Variants in ZNF710 observed in about 807,000 individuals in gnomAD.
ZNF710 encodes the protein zinc finger protein 710.
A neutral mutation model predicts 50.6 loss-of-function variants in ZNF710; 13 were observed. The ratio of observed to expected loss-of-function variants is 0.26; its 90% CI spans 0.17 to 0.41. The LOEUF (loss-of-function observed/expected upper bound fraction) is 0.41, where lower values mean the gene tolerates loss of function less well. Among genes scored for constraint, ZNF710 ranks in the 10% least tolerant of loss-of-function variants. ZNF710 has a pLI of 1.00. For synonymous variants in ZNF710, 383 were observed against 397.0 expected, an observed-to-expected ratio of 0.96 and a Z score of 0.42; for missense variants, 721 against 936.6, an observed-to-expected ratio of 0.77 and a Z score of 3.01.
At chr15:90,021,553 T>C (rs1291795451) in intron 1 of ZNF710, among the ~76,000 whole-genome samples, 1 of 152,236 alleles carries the variant, frequency 6.6e-6, no homozygotes, top group Non-Finnish European at 1.5e-5. Flanking sequence ...TGTTCTCTCT[T>C]ACTTCCTTCA....
chr15:90,063,920 G>A lies in ZNF710; in HGVS notation c.-28-3190G>A, dbSNP rs1391145749. Among the ~76,000 whole-genome samples, 4 of 152,188 alleles carry A rather than the reference G, an allele frequency of 2.6e-5. No individual in the cohort carries two copies. The East Asian group carries it at 7.7e-4, about 29-fold the overall frequency. On this transcript the variant is annotated intron_variant, in intron 1 of 4. Transcript: ENST00000268154. ...ACATCCTCATCTCACTGTCCCATGAGTCAGGAGCCTCTTCCCCCCCATAGA... is the reference window on the plus strand; with the variant it reads ...ACATCCTCATCTCACTGTCCCATGAATCAGGAGCCTCTTCCCCCCCATAGA...
Position 90,030,974 on chromosome 15 carries a change from C to G in ZNF710, c.-29+29360C>G, listed in dbSNP as rs545291736. 2.2e-4 allele frequency among the ~76,000 whole-genome samples: 32 copies of G among 143,802 alleles called. No individual in the cohort carries two copies. The East Asian group carries it at 6.1e-3, about 27-fold the overall frequency. The allele number at this position is 143,802 out of a possible 152,430, so 94.3% of individuals were successfully genotyped here. A position where few individuals can be genotyped will look rare whatever the true frequency, so the allele number is the denominator to read the frequency against. On this transcript the variant is annotated intron_variant, in intron 1 of 4. Coordinates refer to ENST00000268154, the MANE Select transcript of ZNF710 (RefSeq NM_198526.4). ...GCGGAGCTTGCAGTGAGCCGAGATC[C>G]CGCCACTGCACTCCAGCCTGGGCGA...
intron 1 of ZNF710, among the ~76,000 whole-genome samples, chr15:90,065,996 A>G (rs1163496107): frequency 6.6e-6 from 1 of 152,240 alleles, no homozygotes; most frequent in Non-Finnish European, 1.5e-5. Flanking sequence ...GGCCTCAAAC[A>G]TGTTAGCTGT....
intron 1 of ZNF710, among the ~76,000 whole-genome samples, chr15:90,050,315 C>T (rs1032696858): frequency 2.0e-5 from 3 of 152,180 alleles, no homozygotes; most frequent in Non-Finnish European, 4.4e-5. Context: ...GCCATGAGAA[C>T]GGAGAGGGCT....
intron 1 of ZNF710, among the ~76,000 whole-genome samples, chr15:90,015,398 T>G (rs147651176): frequency 6.6e-6 from 1 of 152,260 alleles, no homozygotes; most frequent in Non-Finnish European, 1.5e-5. Flanking sequence ...CAATAGTTAT[T>G]AAAATTAAAA....
At position 90,068,187 on chromosome 15, in the gene ZNF710, C is replaced by T; in HGVS notation, c.1050C>T (p.Pro350=). 1 of 1,614,060 alleles carries T rather than the reference C, an allele frequency of 6.2e-7. No homozygotes were observed. Among genetic ancestry groups the T allele is most frequent in the Non-Finnish European group, 8.5e-7 (1 of 1,180,042 alleles). The change falls in exon 2 of 5, where the codon CCC becomes CCT. Residue 350 remains proline, a synonymous_variant. Coordinates refer to ENST00000268154, the MANE Select transcript of ZNF710 (RefSeq NM_198526.4). This position sits in a 1 kb window ranked among gnomAD's most constrained non-coding sequence, Gnocchi z 5.0. ...THLLTHQGTR[P]HKCQVCHKAF... ...TGCTGACGCACCAGGGCACCCGGCCCCACAAGTGCCAGGTATGCCACAAGG... is the reference window on the plus strand; with the variant it reads ...TGCTGACGCACCAGGGCACCCGGCCTCACAAGTGCCAGGTATGCCACAAGG...
At chr15:90,064,455 C>G (rs1055830839) in intron 1 of ZNF710, among the ~76,000 whole-genome samples, 1 of 152,190 alleles carries the variant, frequency 6.6e-6, no homozygotes, top group Non-Finnish European at 1.5e-5. Flanking sequence ...TTCAGAAAAG[C>G]CTTCTCCCAG....
At chr15:90,055,331 G>C (rs1212598697) in intron 1 of ZNF710, among the ~76,000 whole-genome samples, 1 of 152,174 alleles carries the variant, frequency 6.6e-6, no homozygotes, top group Non-Finnish European at 1.5e-5. Flanking sequence ...TCCAGGTAGG[G>C]GAAAGCATGT....
At position 90,062,568 on chromosome 15, in the gene ZNF710, G is replaced by A. The variant is rs1596051102; in HGVS notation, c.-28-4542G>A. Among the ~76,000 whole-genome samples, 1 of 152,328 alleles carries A rather than the reference G, an allele frequency of 6.6e-6. No individual in the cohort carries two copies. Among genetic ancestry groups the A allele is most frequent in the African/African-American group, 2.4e-5 (1 of 41,576 alleles). ...TTGGGTTGGGTGGGGAGGCAGCCCT[G>A]GCACACAGGTGACGCACACCTGGCA... is the stretch of plus-strand genomic sequence containing the variant. On this transcript the variant is annotated intron_variant, in intron 1 of 4. Coordinates refer to ENST00000268154, the MANE Select transcript of ZNF710 (RefSeq NM_198526.4). The surrounding 1 kb of genome is among the most constrained non-coding windows in gnomAD (Gnocchi z 5.6).
chr15:90,035,367 G>A (rs1165604400), intron 1 of ZNF710, among the ~76,000 whole-genome samples: 1 of 152,216 alleles, frequency 6.6e-6, no homozygotes, highest in East Asian at 1.9e-4. Context: ...GGACCCATGA[G>A]CCCATCAGCT....
rs1433597344 is a variant in ZNF710 at position 90,040,649 on chromosome 15, T to C, written c.-28-26461T>C. Among the ~76,000 whole-genome samples, 1 of 152,056 alleles carries C rather than the reference T, an allele frequency of 6.6e-6. No homozygotes were observed. Among genetic ancestry groups the C allele is most frequent in the African/African-American group, 2.4e-5 (1 of 41,388 alleles). On this transcript the variant is annotated intron_variant, in intron 1 of 4. Transcript: ENST00000268154. The surrounding 1 kb of genome is among the most constrained non-coding windows in gnomAD (Gnocchi z 4.6). ...TCAGAGTAATATATGCATCTTTTTT[T>C]ACATCAAACAATACTGATGGGCTTC...
chr15:90,057,957 A>T (rs10162734), intron 1 of ZNF710, among the ~76,000 whole-genome samples: 18,610 of 152,062 alleles, frequency 0.12, 3,265 homozygotes, highest in African/African-American at 0.39. Context: ...CACCCCTCAT[A>T]TCCTTGGGTT....
chr15:90,017,140 G>A (rs578058628), intron 1 of ZNF710, among the ~76,000 whole-genome samples: 1 of 152,268 alleles, frequency 6.6e-6, no homozygotes, highest in South Asian at 2.1e-4. Context: ...TAGGGGTAAA[G>A]GCACTTGGTA....
intron 1 of ZNF710, among the ~76,000 whole-genome samples, chr15:90,013,729 A>G (rs146401410): frequency 6.6e-6 from 1 of 152,150 alleles, no homozygotes; most frequent in African/African-American, 2.4e-5. Flanking sequence ...CATTGTCGCT[A>G]TATTGCCAAA....
At chr15:90,010,325 T>C (rs1815289860) in intron 1 of ZNF710, among the ~76,000 whole-genome samples, 2 of 152,238 alleles carry the variant, frequency 1.3e-5, no homozygotes, top group South Asian at 4.1e-4. Context: ...GGTCTCACTC[T>C]GTCACCTCGG....
chr15:90,060,339 C>T (rs921240793), intron 1 of ZNF710, among the ~76,000 whole-genome samples: 1 of 152,000 alleles, frequency 6.6e-6, no homozygotes, highest in African/African-American at 2.4e-5. Flanking sequence ...GATCGCTTGA[C>T]CCCAGAAGTT....
chr15:90,068,367 C>T lies in ZNF710; in HGVS notation c.1230C>T (p.Val410=), dbSNP rs55983968. 0.014 allele frequency: 22,870 copies of T among 1,612,502 alleles called. 2,227 individuals are homozygous for T. In the African/African-American group the frequency reaches 0.24, roughly 17 times the overall value. ...AGAGTGGCCGCTGCCATGTCTGCGT[C>T]GAGTGCGGCCTGGACTTCTCCACCC... ...KHESGRCHVC[V]ECGLDFSTLT... is the part of the protein sequence containing the mutation. The change falls in exon 2 of 5, where the codon GTC becomes GTT. Residue 410 remains valine, a synonymous_variant. Transcript: ENST00000268154. The surrounding 1 kb of genome is among the most constrained non-coding windows in gnomAD (Gnocchi z 5.0).
At chr15:90,014,079 TAAAA>T (rs754218138) in intron 1 of ZNF710, among the ~76,000 whole-genome samples, 1 of 140,388 alleles carries the variant, frequency 7.1e-6, no homozygotes, top group Non-Finnish European at 1.6e-5. Context: ...TGAATAGTAA[TAAAA>T]AAAAAAAAAA....
chr15:90,000,171 C>G (rs556279233), upstream of ZNF710, among the ~76,000 whole-genome samples: 45 of 152,370 alleles, frequency 3.0e-4, no homozygotes, highest in South Asian at 7.2e-3. Context: ...GTCTTCTCCC[C>G]ACTCCTCCGG....
Sources: gnomAD v4.1 joint callset for allele counts (sites outside exome capture counted in the v4.1 genomes callset) on GRCh38, gnomAD v4.1.1 for gene constraint, Gnocchi (gnomAD v3.1) non-coding constraint, MANE v1.5 for transcripts, NCBI Gene and HGNC (gene_info 2026-07-23, HGNC 2026-07-21) for gene names.